The following B3GALT1 variants were observed in gnomAD, a reference collection of about 807,000 sequenced individuals.
The protein encoded by B3GALT1 is UDP-Gal:betaGlcNAc beta 1,3-galactosyltransferase, polypeptide 1.
A neutral mutation model predicts 23.2 loss-of-function variants in B3GALT1; 10 were observed. The observed-to-expected ratio is 0.43, with a 90% CI of 0.27 to 0.73. The LOEUF is 0.73. Ranked by LOEUF, B3GALT1 falls within the 30% of genes least tolerant of loss-of-function variation. The pLI is 0.21. For missense variants in B3GALT1, 299 were observed against 405.4 expected (o/e 0.74, Z 2.25); for synonymous variants, 156 against 141.5 (o/e 1.10, Z -0.73).
intron 1 of B3GALT1, among the ~76,000 whole-genome samples, chr2:167,469,336 G>A (rs1306429664): frequency 6.6e-6 from 1 of 152,186 alleles, no homozygotes; most frequent in Non-Finnish European, 1.5e-5. Context: ...GGATTATTAT[G>A]AGGATTAAAT....
chr2:167,516,165 C>A (rs190850965), intron 2 of B3GALT1, among the ~76,000 whole-genome samples: 1 of 152,144 alleles, frequency 6.6e-6, no homozygotes, highest in Admixed American at 6.6e-5. Context: ...GTTAGAAATG[C>A]TGCAAATTTC....
chr2:167,693,210 G>C (rs987489857), intron 3 of B3GALT1, among the ~76,000 whole-genome samples: 1 of 151,730 alleles, frequency 6.6e-6, no homozygotes, highest in Non-Finnish European at 1.5e-5. Flanking sequence ...ATTTCAAGAG[G>C]CTCTTTTTGA....
At chr2:167,308,764 G>T (rs893233331) in intron 1 of B3GALT1, among the ~76,000 whole-genome samples, 2 of 151,952 alleles carry the variant, frequency 1.3e-5, no homozygotes, top group Non-Finnish European at 2.9e-5. Context: ...CTTTAAATCA[G>T]ATCGGATATG....
chr2:167,307,074 T>G (rs1441105265), intron 1 of B3GALT1, among the ~76,000 whole-genome samples: 1 of 151,942 alleles, frequency 6.6e-6, no homozygotes, highest in Non-Finnish European at 1.5e-5. Flanking sequence ...ATTAATAAGA[T>G]AGCAAAAATA....
At chr2:167,791,937 A>G (rs836686) in intron 3 of B3GALT1, among the ~76,000 whole-genome samples, 1 of 151,930 alleles carries the variant, frequency 6.6e-6, no homozygotes, top group Non-Finnish European at 1.5e-5. Context: ...TGTAATAGAC[A>G]TGCAGTAACT....
At chr2:167,308,702 T>C (rs887264817) in intron 1 of B3GALT1, among the ~76,000 whole-genome samples, 1 of 152,010 alleles carries the variant, frequency 6.6e-6, no homozygotes, top group African/African-American at 2.4e-5. Flanking sequence ...GTTAGCTTTT[T>C]CCCCTTTTCT....
At chr2:167,469,611 A>G (rs1016827087) in intron 1 of B3GALT1, among the ~76,000 whole-genome samples, 3 of 152,178 alleles carry the variant, frequency 2.0e-5, no homozygotes, top group Non-Finnish European at 4.4e-5. Flanking sequence ...AATCACTAGT[A>G]ATAGTACTGA....
intron 2 of B3GALT1, among the ~76,000 whole-genome samples, chr2:167,622,791 G>T (rs915987213): frequency 2.0e-5 from 3 of 151,988 alleles, no homozygotes; most frequent in African/African-American, 7.2e-5. Flanking sequence ...TTAAGCAAAG[G>T]TATCCTGATG....
At chr2:167,668,997 C>G (rs1417262178) in intron 3 of B3GALT1, among the ~76,000 whole-genome samples, 1 of 152,154 alleles carries the variant, frequency 6.6e-6, no homozygotes, top group Admixed American at 6.6e-5. Flanking sequence ...CCAATGAGGC[C>G]TCCTCTGCCT....
intron 2 of B3GALT1, among the ~76,000 whole-genome samples, chr2:167,578,710 A>ACAAAAATAGC (rs1383468900): frequency 6.6e-6 from 1 of 152,006 alleles, no homozygotes; most frequent in Non-Finnish European, 1.5e-5. Flanking sequence ...AGGTAAAGAA[A>ACAAAAATAGC]CAAAAATAGC....
intron 3 of B3GALT1, among the ~76,000 whole-genome samples, chr2:167,667,382 C>T (rs1225404910): frequency 6.6e-6 from 1 of 152,138 alleles, no homozygotes; most frequent in Non-Finnish European, 1.5e-5. Flanking sequence ...CTGCCCTTAA[C>T]ATTTTTTCCT....
chr2:167,316,921 G>A (rs952422259), intron 1 of B3GALT1, among the ~76,000 whole-genome samples: 1 of 152,088 alleles, frequency 6.6e-6, no homozygotes, highest in Non-Finnish European at 1.5e-5. Context: ...CACTAACAAA[G>A]GGAATATCAT....
At chr2:167,432,392 C>T (rs1164042975) in intron 1 of B3GALT1, among the ~76,000 whole-genome samples, 2 of 152,162 alleles carry the variant, frequency 1.3e-5, no homozygotes, top group African/African-American at 2.4e-5. Context: ...TGGAAGTATT[C>T]CAGGTCTCAC....
intron 3 of B3GALT1, among the ~76,000 whole-genome samples, chr2:167,764,256 C>A (rs77592946): frequency 6.6e-6 from 1 of 152,136 alleles, no homozygotes; most frequent in South Asian, 2.1e-4. Flanking sequence ...CAACATTAGT[C>A]GCCACTGTCA....
chr2:167,412,175 A>G (rs768024048), intron 1 of B3GALT1, among the ~76,000 whole-genome samples: 107 of 152,354 alleles, frequency 7.0e-4, no homozygotes, highest in Middle Eastern at 6.8e-3. Flanking sequence ...AAATACCTAT[A>G]TATTTTGAAT....
chr2:167,639,862 A>T (rs1001766612), intron 2 of B3GALT1, among the ~76,000 whole-genome samples: 64 of 152,230 alleles, frequency 4.2e-4, no homozygotes, highest in Admixed American at 1.2e-3. Context: ...TTAGCACCTC[A>T]ATTCCATACT....
chr2:167,470,670 T>C (rs1699409334), intron 1 of B3GALT1, among the ~76,000 whole-genome samples: 1 of 152,154 alleles, frequency 6.6e-6, no homozygotes, highest in African/African-American at 2.4e-5. Flanking sequence ...TAATCTCCAC[T>C]GCTCACTGCA....
chr2:167,579,292 C>G (rs1684438701), intron 2 of B3GALT1, among the ~76,000 whole-genome samples: 1 of 151,924 alleles, frequency 6.6e-6, no homozygotes, highest in African/African-American at 2.4e-5. Context: ...GAAAGAAACT[C>G]TTGCCCTCAA....
rs1032191969 is a variant in B3GALT1 at position 167,495,483 on chromosome 2, G to A, written c.-410+5206G>A. Among the ~76,000 whole-genome samples, 5 of 151,794 alleles carry A rather than the reference G, an allele frequency of 3.3e-5. No homozygotes were observed. In the South Asian group the frequency reaches 6.2e-4, roughly 19 times the overall value. ...CGAGTAGCTGGGATTACAGGCATGC[G>A]CCACCACGCCAGGGTAATTTTGTAT... On this transcript the variant is annotated intron_variant, in intron 2 of 4. Transcript: ENST00000392690.
Sources: gnomAD v4.1 joint callset for allele counts (sites outside exome capture counted in the v4.1 genomes callset) on GRCh38, gnomAD v4.1.1 for gene constraint, MANE v1.5 for transcripts, NCBI Gene and HGNC (gene_info 2026-07-23, HGNC 2026-07-21) for gene names.